ARB2A: variants seen among roughly 807,000 people sequenced by gnomAD.
ARB2A encodes cotranscriptional regulator ARB2A.
chr5:93,830,596 C>CAA, the ARB2A span, among the ~76,000 whole-genome samples: 1 of 151,834 alleles, frequency 6.6e-6, no homozygotes, highest in African/African-American at 2.4e-5. Flanking sequence ...TCCCTGCTGT[C>CAA]TTCTCAGTCA....
At chr5:94,069,104 A>G in the ARB2A span, among the ~76,000 whole-genome samples, 1 of 145,776 alleles carries the variant, frequency 6.9e-6, no homozygotes, top group African/African-American at 2.5e-5. Context: ...ATGGAACAGA[A>G]TAGCAGTATA....
the ARB2A span, among the ~76,000 whole-genome samples, chr5:94,029,120 T>C: frequency 3.3e-5 from 5 of 152,204 alleles, no homozygotes; most frequent in South Asian, 1.0e-3. Flanking sequence ...TCATTCCGAG[T>C]AGCTAGGATT....
At chr5:93,973,871 A>C in the ARB2A span, among the ~76,000 whole-genome samples, 1 of 152,202 alleles carries the variant, frequency 6.6e-6, no homozygotes, top group African/African-American at 2.4e-5. Flanking sequence ...CGCTAAAGGA[A>C]CTGATCACTA....
chr5:93,695,322 A>G, the ARB2A span, among the ~76,000 whole-genome samples: 1 of 151,998 alleles, frequency 6.6e-6, no homozygotes, highest in African/African-American at 2.4e-5. Flanking sequence ...GAATCTATAA[A>G]AACTTAAACA....
At chr5:93,881,396 A>C in the ARB2A span, 11 of 1,129,096 alleles carry the variant, frequency 9.7e-6, no homozygotes, top group South Asian at 1.5e-4. Flanking sequence ...TTGAAGAAAA[A>C]CAAAACAATC....
chr5:93,778,923 G>A, the ARB2A span, among the ~76,000 whole-genome samples: 3 of 152,116 alleles, frequency 2.0e-5, no homozygotes, highest in African/African-American at 7.2e-5. Context: ...AACATTTTAT[G>A]TTTGTAAAAT....
At chr5:94,070,774 C>G in the ARB2A span, among the ~76,000 whole-genome samples, 1 of 151,892 alleles carries the variant, frequency 6.6e-6, no homozygotes, top group African/African-American at 2.4e-5. Context: ...AAATTCTAGA[C>G]TTTACCAAGA....
the ARB2A span, among the ~76,000 whole-genome samples, chr5:93,765,392 A>G: frequency 6.6e-6 from 1 of 152,202 alleles, no homozygotes; most frequent in South Asian, 2.1e-4. Flanking sequence ...ACATTCTTAT[A>G]CACCAATAAC....
chr5:93,741,675 A>C, the ARB2A span: 2 of 1,278,158 alleles, frequency 1.6e-6, no homozygotes, highest in Non-Finnish European at 2.1e-6. Context: ...AAGGCGTTAC[A>C]AGCCAAGGGT....
chr5:93,684,323 G>A, the ARB2A span, among the ~76,000 whole-genome samples: 52 of 152,314 alleles, frequency 3.4e-4, no homozygotes, highest in African/African-American at 1.2e-3. Flanking sequence ...CACTTGCAAA[G>A]TGGAATGATA....
chr5:94,089,520 C>T, the ARB2A span, among the ~76,000 whole-genome samples: 1 of 151,460 alleles, frequency 6.6e-6, no homozygotes, highest in African/African-American at 2.4e-5. Context: ...GCATAGCTCT[C>T]GATGTGGTTA....
the ARB2A span, among the ~76,000 whole-genome samples, chr5:94,003,183 C>T: frequency 6.6e-6 from 1 of 152,074 alleles, no homozygotes; most frequent in South Asian, 2.1e-4. Context: ...AACCAAAATA[C>T]AGTCACGTAT....
the ARB2A span, among the ~76,000 whole-genome samples, chr5:94,049,775 C>T: frequency 6.6e-6 from 1 of 152,192 alleles, no homozygotes; most frequent in Non-Finnish European, 1.5e-5. Flanking sequence ...GAGCCAAGAT[C>T]GTGACACTGC....
At chr5:93,742,436 C>G in the ARB2A span, among the ~76,000 whole-genome samples, 1 of 152,142 alleles carries the variant, frequency 6.6e-6, no homozygotes. Flanking sequence ...AGGCCCTTAT[C>G]CCACCAGAAA....
the ARB2A span, among the ~76,000 whole-genome samples, chr5:93,652,910 G>C: frequency 6.6e-6 from 1 of 152,178 alleles, no homozygotes; most frequent in African/African-American, 2.4e-5. Context: ...TGGAAAAAAA[G>C]GAGAGAACAA....
chr5:93,800,421 A>G, the ARB2A span, among the ~76,000 whole-genome samples: 274 of 149,238 alleles, frequency 1.8e-3, 2 homozygotes, highest in African/African-American at 5.6e-3. Flanking sequence ...ACACACACAC[A>G]CACGCACACA....
the ARB2A span, among the ~76,000 whole-genome samples, chr5:93,960,746 G>T: frequency 6.6e-6 from 1 of 152,092 alleles, no homozygotes; most frequent in Non-Finnish European, 1.5e-5. Context: ...TAATTATAGA[G>T]AATTTTACAA....
chr5:94,007,517 A>C, the ARB2A span, among the ~76,000 whole-genome samples: 9 of 152,304 alleles, frequency 5.9e-5, no homozygotes, highest in East Asian at 1.7e-3. Context: ...TCACATCTGT[A>C]ATCCTAGCAC....
the ARB2A span, chr5:93,740,551 T>C: frequency 1.9e-6 from 3 of 1,565,214 alleles, no homozygotes; most frequent in African/African-American, 1.4e-5. Flanking sequence ...TCTCCAACCG[T>C]GCCGTGAAGG....
Sources: gnomAD v4.1 joint callset for allele counts (sites outside exome capture counted in the v4.1 genomes callset) on GRCh38, gnomAD v4.1.1 for gene constraint, MANE v1.5 for transcripts, NCBI Gene and HGNC (gene_info 2026-07-23, HGNC 2026-07-21) for gene names.